PCDH15: variants seen among roughly 807,000 people sequenced by gnomAD.
PCDH15 encodes protocadherin-15.
A neutral mutation model predicts 178.5 loss-of-function variants in PCDH15; 129 were observed. The observed-to-expected ratio is 0.72, with a 90% CI of 0.63 to 0.84. PCDH15 has a LOEUF of 0.84. PCDH15 is among the 40% of genes least tolerant of loss of function. The pLI, the probability that PCDH15 is intolerant of heterozygous loss-of-function variation, is 0.00. For missense variants in PCDH15, 2,230 were observed against 2,099.9 expected (o/e 1.06, Z -1.21); for synonymous variants, 800 against 732.0 (o/e 1.09, Z -1.50).
chr10:54,216,320 A>G (rs2052059104), intron 9 of PCDH15, among the ~76,000 whole-genome samples: 1 of 149,878 alleles, frequency 6.7e-6, no homozygotes, highest in South Asian at 2.1e-4. Context: ...GCTGGGCGTG[A>G]TGGCGCACGC....
chr10:54,940,213 G>A (rs140079954), intron 2 of PCDH15, among the ~76,000 whole-genome samples: 201 of 152,004 alleles, frequency 1.3e-3, no homozygotes, highest in African/African-American at 4.3e-3. Context: ...TCACTGTATC[G>A]TATAAGTTTT....
intron 18 of PCDH15, among the ~76,000 whole-genome samples, chr10:54,054,671 A>G (rs1253535446): frequency 6.6e-6 from 1 of 152,082 alleles, no homozygotes. Flanking sequence ...TATTCTTAAA[A>G]TTTTCTAATC....
intron 2 of PCDH15, among the ~76,000 whole-genome samples, chr10:55,391,852 G>T (rs144811459): frequency 1.3e-5 from 2 of 152,222 alleles, no homozygotes; most frequent in East Asian, 3.9e-4. Context: ...TAACTGTTTG[G>T]CCTAAGAGGC....
At chr10:55,196,748 A>G (rs1489898254) in intron 1 of PCDH15, among the ~76,000 whole-genome samples, 1 of 152,042 alleles carries the variant, frequency 6.6e-6, no homozygotes, top group Non-Finnish European at 1.5e-5. Flanking sequence ...TATGTAAAGA[A>G]AAATTTTCCA....
At chr10:55,022,855 C>T (rs1372796369) in intron 2 of PCDH15, among the ~76,000 whole-genome samples, 2 of 150,948 alleles carry the variant, frequency 1.3e-5, no homozygotes, top group Non-Finnish European at 1.5e-5. Flanking sequence ...GGACTACAGG[C>T]GCCCGCCACC....
intron 1 of PCDH15, among the ~76,000 whole-genome samples, chr10:54,678,871 C>G (rs2094840749): frequency 6.6e-6 from 1 of 152,084 alleles, no homozygotes; most frequent in Admixed American, 6.5e-5. Flanking sequence ...TCTTGCATAA[C>G]ACTTATGTAA....
intron 8 of PCDH15, among the ~76,000 whole-genome samples, chr10:54,244,291 ACTTCC>A (rs2055701992): frequency 6.6e-6 from 1 of 152,092 alleles, no homozygotes; most frequent in African/African-American, 2.4e-5. Context: ...TTTTACTGAT[ACTTCC>A]CTTATTTTCA....
At chr10:55,527,582 A>T (rs745763813) in intron 2 of PCDH15, among the ~76,000 whole-genome samples, 2 of 152,016 alleles carry the variant, frequency 1.3e-5, no homozygotes, top group Non-Finnish European at 2.9e-5. Context: ...TAATATTGTA[A>T]GGGACTCAGT....
In PCDH15 at chr10:54,638,649, A is replaced by G. The variant is rs138814037; in HGVS notation, c.91+25523T>C. Among the ~76,000 whole-genome samples, 94 of 152,254 alleles carry G rather than the reference A, an allele frequency of 6.2e-4. 2 individuals are homozygous for G. In the East Asian group the frequency reaches 0.015, roughly 24 times the overall value. ...TATTTATTTCTCAAAGAACTAAAGTAGATCTACCATTTGATCCAGCAATTC... is the reference window on the plus strand; with the variant it reads ...TATTTATTTCTCAAAGAACTAAAGTGGATCTACCATTTGATCCAGCAATTC... On this transcript the variant is annotated intron_variant, in intron 2 of 37. Coordinates refer to ENST00000644397, the MANE Select transcript of PCDH15 (RefSeq NM_001384140.1).
At chr10:55,219,305 G>T (rs1201420945) in intron 1 of PCDH15, among the ~76,000 whole-genome samples, 1 of 151,820 alleles carries the variant, frequency 6.6e-6, no homozygotes, top group Non-Finnish European at 1.5e-5. Context: ...TATAATTACT[G>T]ATTGTGCCTT....
intron 2 of PCDH15, among the ~76,000 whole-genome samples, chr10:55,423,956 A>C (rs998186523): frequency 6.6e-6 from 1 of 152,116 alleles, no homozygotes; most frequent in Non-Finnish European, 1.5e-5. Flanking sequence ...AAAGGGCTTT[A>C]GAATCCACAG....
chr10:54,184,348 G>C (rs1020751508), intron 12 of PCDH15, among the ~76,000 whole-genome samples: 2 of 151,748 alleles, frequency 1.3e-5, no homozygotes, highest in African/African-American at 4.8e-5. Flanking sequence ...TCTTTCTCCT[G>C]TGACTGATTC....
At chr10:55,100,348 T>G (rs1207866650) in intron 2 of PCDH15, among the ~76,000 whole-genome samples, 1 of 152,174 alleles carries the variant, frequency 6.6e-6, no homozygotes, top group Non-Finnish European at 1.5e-5. Context: ...AGCAATAAGT[T>G]TATTCAAATA....
At position 54,219,456 on chromosome 10, in the gene PCDH15, G is replaced by A. The variant is rs551120747; in HGVS notation, c.986-5408C>T. Among the ~76,000 whole-genome samples, 991 of 151,082 alleles carry A rather than the reference G, an allele frequency of 6.6e-3. 5 individuals are homozygous for A. Among genetic ancestry groups the A allele is most frequent in the Non-Finnish European group, 0.011 (769 of 67,786 alleles). ...ATACAAAAAAAAATTAGCCAGGCTT[G>A]GTGGCGGGTGACTGTAGTCCCAGCT... On this transcript the variant is annotated intron_variant, in intron 9 of 37. Transcript: ENST00000644397.
At chr10:55,104,327 C>G (rs1396359606) in intron 2 of PCDH15, among the ~76,000 whole-genome samples, 1 of 151,980 alleles carries the variant, frequency 6.6e-6, no homozygotes. Context: ...AGAAGCTGCT[C>G]CTCCTGTTAT....
chr10:54,566,704 T>G (rs534324927), intron 2 of PCDH15, among the ~76,000 whole-genome samples: 22 of 152,298 alleles, frequency 1.4e-4, no homozygotes, highest in African/African-American at 4.8e-4. Flanking sequence ...AATAGTCCAT[T>G]GTCTGAAGGT....
At chr10:55,270,176 A>G (rs888451396) in intron 1 of PCDH15, among the ~76,000 whole-genome samples, 1 of 152,184 alleles carries the variant, frequency 6.6e-6, no homozygotes, top group Non-Finnish European at 1.5e-5. Flanking sequence ...CAAATCCTAT[A>G]ACAACCCTAG....
chr10:54,667,874 A>G (rs1048940956), intron 1 of PCDH15, among the ~76,000 whole-genome samples: 3 of 152,106 alleles, frequency 2.0e-5, no homozygotes, highest in Non-Finnish European at 4.4e-5. Context: ...TCATTTTGCA[A>G]TCGTGACTTA....
At chr10:54,738,858 G>T (rs1022665536) in intron 1 of PCDH15, among the ~76,000 whole-genome samples, 1 of 151,734 alleles carries the variant, frequency 6.6e-6, no homozygotes. Context: ...AATTTCCTTT[G>T]GTTATTATCT....
Sources: allele counts gnomAD v4.1 joint callset (sites outside exome capture counted in the v4.1 genomes callset), GRCh38; gene constraint gnomAD v4.1.1; transcripts MANE v1.5; gene names NCBI Gene and HGNC (gene_info 2026-07-23, HGNC 2026-07-21).